The following TAP1 variants were observed in gnomAD, a reference collection of about 807,000 sequenced individuals.
TAP1 encodes antigen peptide transporter 1.
TAP1 carries 56 observed loss-of-function variants against 79.3 expected under a neutral mutation model. That is an observed-to-expected ratio of 0.71 (90% CI 0.57 to 0.88). TAP1 has a LOEUF of 0.88. Among genes scored for constraint, TAP1 ranks in the 40% least tolerant of loss-of-function variants. The probability of loss-of-function intolerance (pLI) is 0.00; values close to 1 mark genes in which losing one functional copy is unlikely to be tolerated. For synonymous variants in TAP1, 355 were observed against 401.4 expected (o/e 0.88, Z 1.38); for missense variants, 737 against 936.3 (o/e 0.79, Z 2.78).
At position 32,850,610 on chromosome 6, in the gene TAP1, A is replaced by G; in HGVS notation, c.1051-93T>C. 8.8e-7 allele frequency: 1 copy of G among 1,139,228 alleles called. No homozygotes were observed. The highest frequency in any genetic ancestry group is 2.4e-5 in the East Asian group (1 of 41,614). The allele number at this position is 1,139,228 out of a possible 1,614,324, so 70.6% of individuals were successfully genotyped here. On this transcript the variant is annotated intron_variant, in intron 4 of 10. Coordinates refer to ENST00000354258, the MANE Select transcript of TAP1 (RefSeq NM_000593.6). This position sits in a 1 kb window ranked among gnomAD's most constrained non-coding sequence, Gnocchi z 5.5. ...ACCTATTTGGAAATTAAAGGTGAGA[A>G]GAGACAGAGGAAAAGGAGAAAAGAG...
intron 5 of TAP1, chr6:32,849,426 T>C (rs954937060): frequency 6.4e-6 from 3 of 467,252 alleles, no homozygotes; most frequent in African/African-American, 3.9e-5. Context: ...AAGAAGGTTA[T>C]ATCACTCCAT....
rs1303347051 is a variant in TAP1, at chr6:32,852,136, T to C, written c.817A>G (p.Thr273Ala). ...EVFGAVLRQE[T>A]EFFQQNQTGN... ...GTCTGGTTCTGTTGGAAAAACTCCG[T>C]CTCCTGGCGCAGGACAGCCCCAAAC... The change falls in exon 3 of 11, where the codon ACG (threonine) becomes GCG (alanine). Residue 273 changes from threonine (T) to alanine (A), a missense_variant. Around this residue, in one of 5 missense-constraint regions of TAP1, gnomAD observed 406 missense variants for 477.2 expected, o/e 0.85. Coordinates refer to ENST00000354258, the MANE Select transcript of TAP1 (RefSeq NM_000593.6). This position sits in a 1 kb window ranked among gnomAD's most constrained non-coding sequence, Gnocchi z 4.8. 1.1e-5 allele frequency: 17 copies of C among 1,612,954 alleles called. No homozygotes were observed. Among genetic ancestry groups the C allele is most frequent in the Non-Finnish European group, 1.4e-5 (17 of 1,180,000 alleles).
Position 32,853,659 on chromosome 6 carries a change from T to C in TAP1, c.-23A>G. On this transcript the variant is annotated 5_prime_UTR_variant, in exon 1 of 11. Transcript: ENST00000354258. The surrounding 1 kb of genome is among the most constrained non-coding windows in gnomAD (Gnocchi z 8.3). ...CATTGGCACTCGGACGCCGTCCCGG[T>C]CCCGGCCGGGCCTGGGACTCTCCGC... The C allele has an allele frequency of 6.2e-7, 1 of 1,601,656 alleles. No individual in the cohort carries two copies. The highest frequency in any genetic ancestry group is 8.5e-7 in the Non-Finnish European group (1 of 1,175,902).
rs1191889545 is a variant in TAP1, at chr6:32,853,018, C to T, written c.598+21G>A. The stretch of plus-strand genomic sequence containing the variant: ...TCCCAGTCCCCTTGTGTCCTCCCCT[C>T]TTGCCCTGCGTTCCCCTTACCAAGA... On this transcript the variant is annotated intron_variant, in intron 1 of 10. Transcript: ENST00000354258. The surrounding 1 kb of genome is among the most constrained non-coding windows in gnomAD (Gnocchi z 8.3). The T allele has an allele frequency of 6.2e-7, 1 of 1,607,198 alleles. No individual in the cohort carries two copies. The highest frequency in any genetic ancestry group is 8.5e-7 in the Non-Finnish European group (1 of 1,179,072).
At position 32,853,327 on chromosome 6, in the gene TAP1, C is replaced by T. The variant is rs1482604401; in HGVS notation, c.310G>A (p.Gly104Ser). 6.3e-7 allele frequency: 1 copy of T among 1,581,004 alleles called. No homozygotes were observed. ...AALKPLAAAL[G>S]LALPGLALFR... ...AAGGCAAGTCCCGGCAGGGCCAAGCCCAGTGCCGCAGCTAATGGCTTCAAA... is the reference window on the plus strand; with the variant it reads ...AAGGCAAGTCCCGGCAGGGCCAAGCTCAGTGCCGCAGCTAATGGCTTCAAA... The change falls in exon 1 of 11, where the codon GGC becomes AGC. Residue 104 changes from glycine (G) to serine (S), a missense_variant. Coordinates refer to ENST00000354258, the MANE Select transcript of TAP1 (RefSeq NM_000593.6). This position sits in a 1 kb window ranked among gnomAD's most constrained non-coding sequence, Gnocchi z 8.3.
Position 32,850,856 on chromosome 6 carries a change from C to T in TAP1, c.1050+88G>A, listed in dbSNP as rs56093404. 37,370 of 1,236,368 alleles carry T rather than the reference C, an allele frequency of 0.03. 734 individuals carry two copies. Among genetic ancestry groups the T allele is most frequent in the South Asian group, 0.06 (5,032 of 83,194 alleles). The allele number at this position is 1,236,368 out of a possible 1,614,324, so 76.6% of individuals were successfully genotyped here. A position where few individuals can be genotyped will look rare whatever the true frequency, so the allele number is the denominator to read the frequency against. On this transcript the variant is annotated intron_variant, in intron 4 of 10. Coordinates refer to ENST00000354258, the MANE Select transcript of TAP1 (RefSeq NM_000593.6). This position sits in a 1 kb window ranked among gnomAD's most constrained non-coding sequence, Gnocchi z 5.5. ...AGAATCAGTAAGGGTGCCAGGAAAGCTGGACTGAAAGCAATGTGAGAGGAA... is the reference window on the plus strand; with the variant it reads ...AGAATCAGTAAGGGTGCCAGGAAAGTTGGACTGAAAGCAATGTGAGAGGAA...
chr6:32,850,129 C>A lies in TAP1; in HGVS notation c.1248+191G>T. 1.5e-6 allele frequency: 1 copy of A among 679,208 alleles called. No individual in the cohort carries two copies. The highest frequency in any genetic ancestry group is 2.1e-5 in the Admixed American group (1 of 46,540). The allele number at this position is 679,208 out of a possible 1,614,324, so 42.1% of individuals were successfully genotyped here. A position where few individuals can be genotyped will look rare whatever the true frequency, so the allele number is the denominator to read the frequency against. ...TATGTACCATACTGAAAGGAAGCCA[C>A]CTAGCATCTTTAAAGAGAGGGAGGG... On this transcript the variant is annotated intron_variant, in intron 5 of 10. Transcript: ENST00000354258. The surrounding 1 kb of genome is among the most constrained non-coding windows in gnomAD (Gnocchi z 5.5).
intron 7 of TAP1, 181 bp from the exon 8 acceptor site, chr6:32,848,273 A>C: frequency 1.3e-6 from 1 of 795,716 alleles, no homozygotes; most frequent in Non-Finnish European, 2.0e-6. Context: ...GAGATAGAAG[A>C]AGCGGCAAAG....
rs143842509 is a variant in TAP1 at position 32,853,086 on chromosome 6, G to A, written c.551C>T (p.Thr184Met). Residue 184 changes from threonine (T) to methionine (M), a missense_variant, in exon 1 of 11, where the codon ACG (threonine) becomes ATG (methionine). This residue lies in a region of TAP1 where 406 missense variants were observed against 477.2 expected (regional missense o/e 0.85). Transcript: ENST00000354258. This position sits in a 1 kb window ranked among gnomAD's most constrained non-coding sequence, Gnocchi z 8.3. ...RRLLGCLGSE[T>M]RRLSLFLVLV... is the part of the protein sequence containing the mutation. The stretch of plus-strand genomic sequence containing the variant: ...GACCAGGAACAGCGAGAGGCGGCGC[G>A]TCTCCGAGCCCAGGCAGCCTAGAAG... The A allele has an allele frequency of 1.1e-4, 170 of 1,612,614 alleles. No individual in the cohort carries two copies. The African/African-American group carries it at 2.1e-3, about 20-fold the overall frequency.
rs780583679 is a variant in TAP1, at chr6:32,851,008, A to G, written c.986T>C (p.Met329Thr). The G allele has an allele frequency of 6.2e-7, 1 of 1,613,032 alleles. No individual in the cohort carries two copies. Among genetic ancestry groups the G allele is most frequent in the South Asian group, 1.1e-5 (1 of 91,086 alleles). Residue 329 changes from methionine (M) to threonine (T), a missense_variant, in exon 4 of 11, where the codon ATG becomes ACG. By Grantham distance (81) the Met-to-Thr change is moderately conservative. Coordinates refer to ENST00000354258, the MANE Select transcript of TAP1 (RefSeq NM_000593.6). This position sits in a 1 kb window ranked among gnomAD's most constrained non-coding sequence, Gnocchi z 4.8. ...IMLWGSVSLT[M>T]VTLITLPLLF... ...CAGAGGCAGGGTGATCAGGGTGACC[A>G]TGGTGAGGGACACTGATCCCCAGAG...
In TAP1 at chr6:32,852,149, G is replaced by A; in HGVS notation, c.804C>T (p.Val268=). The change falls in exon 3 of 11, where the codon GTC becomes GTT. Residue 268 remains valine, a synonymous_variant. Transcript: ENST00000354258. This position sits in a 1 kb window ranked among gnomAD's most constrained non-coding sequence, Gnocchi z 4.8. ...SHLQGEVFGA[V]LRQETEFFQQ... ...GGAAAAACTCCGTCTCCTGGCGCAG[G>A]ACAGCCCCAAACACCTCTCCCTGCA... 1 of 1,613,026 alleles carries A rather than the reference G, an allele frequency of 6.2e-7. No homozygotes were observed. Among genetic ancestry groups the A allele is most frequent in the East Asian group, 2.2e-5 (1 of 44,884 alleles).
At position 32,847,017 on chromosome 6, in the gene TAP1, AAAG is replaced by A. The variant is rs751918880; in HGVS notation, c.2040+48_2040+50del. 26 of 1,606,644 alleles carry A rather than the reference AAAG, an allele frequency of 1.6e-5. No homozygotes were observed. The East Asian group carries it at 5.3e-4, about 33-fold the overall frequency. ...TAGTAAAACTAACAGAAGATGTATAAAAGAAGCAAGATTGGGTGGGATATAGCC... is the reference window on the plus strand; with the variant it reads ...TAGTAAAACTAACAGAAGATGTATAAAAGCAAGATTGGGTGGGATATAGCC... On this transcript the variant is annotated intron_variant, in intron 10 of 10. Coordinates refer to ENST00000354258, the MANE Select transcript of TAP1 (RefSeq NM_000593.6). The surrounding 1 kb of genome is among the most constrained non-coding windows in gnomAD (Gnocchi z 4.7).
At position 32,852,675 on chromosome 6, in the gene TAP1, A is replaced by G; in HGVS notation, c.599-173T>C. ...TAAATAGGCTGCCCTGGAACTCACTACCCTGTGGTTGCTCTACCAGAACTT... is the reference window on the plus strand; with the variant it reads ...TAAATAGGCTGCCCTGGAACTCACTGCCCTGTGGTTGCTCTACCAGAACTT... On this transcript the variant is annotated intron_variant, in intron 1 of 10. Transcript: ENST00000354258. This position sits in a 1 kb window ranked among gnomAD's most constrained non-coding sequence, Gnocchi z 4.8. The G allele has an allele frequency of 6.7e-7, 1 of 1,497,706 alleles. No individual in the cohort carries two copies. The highest frequency in any genetic ancestry group is 1.4e-5 in the African/African-American group (1 of 71,576). The allele number at this position is 1,497,706 out of a possible 1,614,324, so 92.8% of individuals were successfully genotyped here.
chr6:32,845,364 T>C lies in TAP1; in HGVS notation c.*215A>G, dbSNP rs1770292369. ...GCTGGCCACACCAAAGCATCAGCCC[T>C]GGCTCTAAACTCCGTTACAGTAAGG... On this transcript the variant is annotated 3_prime_UTR_variant, in exon 11 of 11. Transcript: ENST00000354258. The surrounding 1 kb of genome is among the most constrained non-coding windows in gnomAD (Gnocchi z 4.5). 1.6e-6 allele frequency: 1 copy of C among 632,492 alleles called. No individual in the cohort carries two copies. Among genetic ancestry groups the C allele is most frequent in the African/African-American group, 1.8e-5 (1 of 54,734 alleles). 39.2% of individuals were successfully genotyped at this position (632,492 alleles called of 1,614,324 possible).
chr6:32,845,687 G>A lies in TAP1; in HGVS notation c.2139C>T (p.Leu713=), dbSNP rs1055956289. ...LSLVEQADHI[L]FLEGGAIREG... ...CCCGGATAGCGCCTCCTTCCAGAAA[G>A]AGGATGTGGTCAGCCTGCTCCACCA... is the stretch of plus-strand genomic sequence containing the variant. The change falls in exon 11 of 11, where the codon CTC becomes CTT. Residue 713 remains leucine, a synonymous_variant. Coordinates refer to ENST00000354258, the MANE Select transcript of TAP1 (RefSeq NM_000593.6). This position sits in a 1 kb window ranked among gnomAD's most constrained non-coding sequence, Gnocchi z 4.5. The A allele has an allele frequency of 5.0e-6, 8 of 1,612,984 alleles. No homozygotes were observed. In the African/African-American group the frequency reaches 5.3e-5, roughly 11 times the overall value.
Position 32,850,701 on chromosome 6 carries a change from G to A in TAP1, c.1051-184C>T, listed in dbSNP as rs1389046383. ...GAGGAAGAGGAAAATGACTCAGAAC[G>A]GGTTGGGGATCAAATTCTTAAAGAC... On this transcript the variant is annotated intron_variant, in intron 4 of 10. Transcript: ENST00000354258. The surrounding 1 kb of genome is among the most constrained non-coding windows in gnomAD (Gnocchi z 5.5). Among the ~76,000 whole-genome samples, 1 of 152,190 alleles carries A rather than the reference G, an allele frequency of 6.6e-6. No individual in the cohort carries two copies. Among genetic ancestry groups the A allele is most frequent in the Non-Finnish European group, 1.5e-5 (1 of 68,036 alleles).
chr6:32,848,339 G>A, intron 7 of TAP1: 2 of 622,644 alleles, frequency 3.2e-6, no homozygotes, highest in East Asian at 2.8e-5. Context: ...GATACCACCA[G>A]GAAAGGGAAA....
rs756322127 is a variant in TAP1 at position 32,847,972 on chromosome 6, G to A, written c.1687C>T (p.Leu563=). The A allele has an allele frequency of 6.2e-7, 1 of 1,613,102 alleles. No homozygotes were observed. Among genetic ancestry groups the A allele is most frequent in the East Asian group, 2.2e-5 (1 of 44,884 alleles). ...TGGGGAAGGGGCTTCCCATCCAACA[G>A]CAGCTGTCCCCCGGTGGGCTGGTAC... The part of the protein sequence containing the change: ...NLYQPTGGQL[L]LDGKPLPQYE... The change falls in exon 8 of 11, where the codon CTG becomes TTG. Residue 563 remains leucine, a synonymous_variant. Transcript: ENST00000354258. This position sits in a 1 kb window ranked among gnomAD's most constrained non-coding sequence, Gnocchi z 4.7.
Position 32,852,000 on chromosome 6 carries a change from T to G in TAP1, c.844+109A>C. On this transcript the variant is annotated intron_variant, in intron 3 of 10. Coordinates refer to ENST00000354258, the MANE Select transcript of TAP1 (RefSeq NM_000593.6). The surrounding 1 kb of genome is among the most constrained non-coding windows in gnomAD (Gnocchi z 4.8). ...GTATATCAAGAATGAGAAGGAACAA[T>G]GTGTGTATGTGTGTGTGAGAGAGAG... 2 of 1,423,314 alleles carry G rather than the reference T, an allele frequency of 1.4e-6. No individual in the cohort carries two copies. The highest frequency in any genetic ancestry group is 2.0e-6 in the Non-Finnish European group (2 of 1,018,884). 88.2% of individuals were successfully genotyped at this position (1,423,314 alleles called of 1,614,324 possible).
Sources: allele counts gnomAD v4.1 joint callset (sites outside exome capture counted in the v4.1 genomes callset), GRCh38; gene constraint gnomAD v4.1.1; regional missense constraint gnomAD v4.1.1; non-coding constraint Gnocchi (gnomAD v3.1); transcripts MANE v1.5; gene names NCBI Gene and HGNC (gene_info 2026-07-23, HGNC 2026-07-21).